Variants in PTPRE observed in about 807,000 individuals in gnomAD.
PTPRE encodes the protein protein tyrosine phosphatase receptor type E.
In PTPRE, 51 loss-of-function variants were observed where a neutral mutation model predicts 102.0. The ratio of observed to expected loss-of-function variants is 0.50; its 90% CI spans 0.40 to 0.63. PTPRE has a LOEUF of 0.63. Ranked by LOEUF, PTPRE falls within the 30% of genes least tolerant of loss-of-function variation. PTPRE has a pLI of 0.00. For missense variants in PTPRE, 752 were observed against 915.1 expected (o/e 0.82, Z 2.30); for synonymous variants, 345 against 348.2 (o/e 0.99, Z 0.10).
chr10:127,942,199 G>A (rs1293330461), intron 1 of PTPRE, among the ~76,000 whole-genome samples: 2 of 152,168 alleles, frequency 1.3e-5, no homozygotes, highest in African/African-American at 4.8e-5. Context: ...TGATATCCAG[G>A]TAGATGGTTT....
In PTPRE at chr10:127,907,240, G is replaced by T. The variant is rs1486021690; in HGVS notation, c.-100G>T. 2.6e-5 allele frequency: 26 copies of T among 984,370 alleles called. No homozygotes were observed. Among genetic ancestry groups the T allele is most frequent in the Admixed American group, 1.2e-4 (2 of 16,196 alleles). The allele number at this position is 984,370 out of a possible 1,614,324, so 61.0% of individuals were successfully genotyped here. On this transcript the variant is annotated 5_prime_UTR_variant, in exon 1 of 21. Transcript: ENST00000254667. The surrounding 1 kb of genome is among the most constrained non-coding windows in gnomAD (Gnocchi z 4.8). The stretch of plus-strand genomic sequence containing the variant: ...ACAGCCGGGCGCCCCGGAGGGCGGC[G>T]GGCAGGCGCCCGGGAGATGCGGAGC...
intron 15 of PTPRE, chr10:128,071,898 T>C (rs1044887395): frequency 1.0e-5 from 5 of 496,012 alleles, no homozygotes; most frequent in South Asian, 2.6e-5. Flanking sequence ...TGGTATGTAT[T>C]ATATCGATTC....
chr10:128,039,893 G>T (rs904219642), intron 2 of PTPRE, among the ~76,000 whole-genome samples: 2 of 152,200 alleles, frequency 1.3e-5, no homozygotes, highest in African/African-American at 4.8e-5. Flanking sequence ...CTAGTGAGGG[G>T]TTTCCACAGC....
intron 2 of PTPRE, among the ~76,000 whole-genome samples, chr10:127,990,120 A>G (rs1460666107): frequency 6.6e-6 from 1 of 152,186 alleles, no homozygotes; most frequent in African/African-American, 2.4e-5. Context: ...GATTGATTAG[A>G]AAGATTTTAG....
intron 2 of PTPRE, chr10:127,999,412 G>A (rs768773323): frequency 1.8e-5 from 6 of 331,410 alleles, no homozygotes; most frequent in Non-Finnish European, 2.6e-5. Flanking sequence ...GAACCACGGG[G>A]GGAATCATGA....
chr10:127,915,957 G>A lies in PTPRE; in HGVS notation c.-31+8648G>A, dbSNP rs540237498. 4.8e-4 allele frequency among the ~76,000 whole-genome samples: 73 copies of A among 151,036 alleles called. No homozygotes were observed. The South Asian group carries it at 0.015, about 31-fold the overall frequency. Reference sequence around the variant, plus strand: ...CCTCACTGTAAGCCCAGGAGCATCCGTACGTACAAGCACTGTGCTTAGCGC... The same window carrying A: ...CCTCACTGTAAGCCCAGGAGCATCCATACGTACAAGCACTGTGCTTAGCGC... On this transcript the variant is annotated intron_variant, in intron 1 of 20. Coordinates refer to ENST00000254667, the MANE Select transcript of PTPRE (RefSeq NM_006504.6).
intron 1 of PTPRE, among the ~76,000 whole-genome samples, chr10:127,930,220 A>G (rs1347026835): frequency 6.6e-6 from 1 of 152,120 alleles, no homozygotes; most frequent in Non-Finnish European, 1.5e-5. Flanking sequence ...CTATCGAGAC[A>G]TGCACATTTT....
intron 1 of PTPRE, among the ~76,000 whole-genome samples, chr10:127,971,046 G>GTC (rs1313237580): frequency 6.6e-6 from 1 of 152,092 alleles, no homozygotes; most frequent in Non-Finnish European, 1.5e-5. Flanking sequence ...GGTGCTCACT[G>GTC]TCTACACACA....
At chr10:127,927,441 C>T (rs1847114119) in intron 1 of PTPRE, among the ~76,000 whole-genome samples, 1 of 152,142 alleles carries the variant, frequency 6.6e-6, no homozygotes. Context: ...TGAGTTTTCT[C>T]AGTTTTAATG....
intron 20 of PTPRE, among the ~76,000 whole-genome samples, chr10:128,079,969 A>G (rs1403821882): frequency 6.6e-6 from 1 of 152,204 alleles, no homozygotes; most frequent in African/African-American, 2.4e-5. Flanking sequence ...CACTGAGGAT[A>G]GGAGCTTTTG....
chr10:127,947,457 C>T (rs1848707815), intron 1 of PTPRE, among the ~76,000 whole-genome samples: 1 of 152,200 alleles, frequency 6.6e-6, no homozygotes, highest in Non-Finnish European at 1.5e-5. Flanking sequence ...AAGTCTGTCT[C>T]TTGCTCTGAA....
At chr10:128,011,570 G>A (rs1484715067) in intron 2 of PTPRE, among the ~76,000 whole-genome samples, 2 of 152,354 alleles carry the variant, frequency 1.3e-5, no homozygotes, top group African/African-American at 4.8e-5. Context: ...ATGCGCGGAA[G>A]CGTCCCCGTA....
At chr10:127,960,148 G>T (rs1027939855) in intron 1 of PTPRE, among the ~76,000 whole-genome samples, 22 of 152,148 alleles carry the variant, frequency 1.4e-4, no homozygotes, top group Non-Finnish European at 2.2e-4. Flanking sequence ...GCTGGCATGC[G>T]GGTGCCCCAG....
chr10:127,960,697 A>C (rs560393786), intron 1 of PTPRE, among the ~76,000 whole-genome samples: 1 of 152,334 alleles, frequency 6.6e-6, no homozygotes, highest in Non-Finnish European at 1.5e-5. Flanking sequence ...ATCAGCATTT[A>C]GCCATTAGTC....
rs912157622 is a variant in PTPRE, at chr10:128,008,474, C to A, written c.-8+26178C>A. 6.6e-5 allele frequency among the ~76,000 whole-genome samples: 10 copies of A among 152,156 alleles called. No individual in the cohort carries two copies. The highest frequency in any genetic ancestry group is 1.3e-4 in the Non-Finnish European group (9 of 68,028). ...CCAGGGATAATGTCAAACAGCCAGT[C>A]CCGGGTTTCTAAACCCAGTTGATCA... On this transcript the variant is annotated intron_variant, in intron 2 of 20. Transcript: ENST00000254667. The surrounding 1 kb of genome is among the most constrained non-coding windows in gnomAD (Gnocchi z 4.0).
intron 20 of PTPRE, among the ~76,000 whole-genome samples, chr10:128,080,058 A>G (rs74630630): frequency 0.022 from 3,397 of 151,466 alleles, 119 homozygotes; most frequent in East Asian, 0.14. Flanking sequence ...CAGCACTGAA[A>G]TTTAAAATCC....
chr10:127,940,046 G>A (rs893045034), intron 1 of PTPRE, among the ~76,000 whole-genome samples: 8 of 151,264 alleles, frequency 5.3e-5, no homozygotes, highest in African/African-American at 1.9e-4. Context: ...GCAGATGGAG[G>A]CAGGTAGAGG....
At chr10:128,059,915 G>A (rs971268281) in intron 7 of PTPRE, among the ~76,000 whole-genome samples, 1 of 148,794 alleles carries the variant, frequency 6.7e-6, no homozygotes, top group African/African-American at 2.5e-5. Flanking sequence ...GAGCCCTGAC[G>A]TGTGTGTACA....
At chr10:128,003,566 A>G (rs1445694436) in intron 2 of PTPRE, among the ~76,000 whole-genome samples, 2 of 152,232 alleles carry the variant, frequency 1.3e-5, no homozygotes, top group African/African-American at 2.4e-5. Context: ...TAAGTGTGAA[A>G]TAATCCTGAA....
Sources: gnomAD v4.1 joint callset for allele counts (sites outside exome capture counted in the v4.1 genomes callset) on GRCh38, gnomAD v4.1.1 for gene constraint, Gnocchi (gnomAD v3.1) non-coding constraint, MANE v1.5 for transcripts, NCBI Gene and HGNC (gene_info 2026-07-23, HGNC 2026-07-21) for gene names.